The following URB1 variants were observed in gnomAD, a reference collection of about 807,000 sequenced individuals.
The protein encoded by URB1 is nucleolar pre-ribosomal-associated protein 1.
A neutral mutation model predicts 242.3 loss-of-function variants in URB1; 197 were observed. That is an observed-to-expected ratio of 0.81 (90% CI 0.72 to 0.91). The LOEUF (loss-of-function observed/expected upper bound fraction) is 0.91, where lower values mean the gene tolerates loss of function less well. Ranked by LOEUF, URB1 falls within the 40% of genes least tolerant of loss-of-function variation. The pLI is 0.00. For synonymous variants in URB1, 1,153 were observed against 1,201.8 expected (o/e 0.96, Z 0.84); for missense variants, 2,721 against 2,860.5 (o/e 0.95, Z 1.11).
chr21:32,337,333 C>T lies in URB1; in HGVS notation c.4621+71G>A, dbSNP rs910940885. 7.0e-6 allele frequency: 10 copies of T among 1,433,786 alleles called. No individual in the cohort carries two copies. The African/African-American group carries it at 1.4e-4, about 20-fold the overall frequency. The allele number at this position is 1,433,786 out of a possible 1,614,324, so 88.8% of individuals were successfully genotyped here. A position where few individuals can be genotyped will look rare whatever the true frequency, so the allele number is the denominator to read the frequency against. ...GCTCACATCCCTCCAGCTCTCATTC[C>T]CTATCTCTGCTCACACCCCCGGCCC... On this transcript the variant is annotated intron_variant, in intron 27 of 38. Transcript: ENST00000382751.
At position 32,350,892 on chromosome 21, in the gene URB1, G is replaced by A. The variant is rs2123584217; in HGVS notation, c.2644C>T (p.Pro882Ser). ...LLQAQGSPSP[P>S]ALPLASSFTA... ...AAGGACGAGGCCAAGGGAAGGGCAG[G>A]GGGCGAGGGGCTGCCCTGTGCCTGC... Residue 882 changes from proline (P) to serine (S), a missense_variant, in exon 20 of 39, where the codon CCT (proline) becomes TCT (serine). By Grantham distance (74) the Pro-to-Ser change is moderately conservative. Coordinates refer to ENST00000382751, the MANE Select transcript of URB1 (RefSeq NM_014825.3). 1 of 1,549,026 alleles carries A rather than the reference G, an allele frequency of 6.5e-7. No homozygotes were observed. The highest frequency in any genetic ancestry group is 1.2e-5 in the South Asian group (1 of 83,990).
rs2032929116 is a variant in URB1, at chr21:32,334,217, C to T, written c.4803G>A (p.Arg1601=). The T allele has an allele frequency of 6.4e-7, 1 of 1,551,530 alleles. No individual in the cohort carries two copies. The stretch of plus-strand genomic sequence containing the variant: ...GGAAGTGCAGGATGGTCTGCATCAT[C>T]CGGTCCCGGTCCAGCAGGCGAAGGA... ...GDILRLLDRD[R]MMQTILHFPQ... The change falls in exon 29 of 39, where the codon CGG becomes CGA. Residue 1601 remains arginine (R), a synonymous_variant. Coordinates refer to ENST00000382751, the MANE Select transcript of URB1 (RefSeq NM_014825.3).
At chr21:32,383,304 A>G (rs1211749011) in intron 4 of URB1, 118 bp downstream of exon 4, 1 of 1,300,828 alleles carries the variant, frequency 7.7e-7, no homozygotes, top group Non-Finnish European at 1.0e-6. Flanking sequence ...ACCTTTCTAC[A>G]TAGACACCTC....
Position 32,352,840 on chromosome 21 carries a change from A to AG in URB1, c.2482dup (p.Leu828ProfsTer11). 1 of 1,551,696 alleles carries AG rather than the reference A, an allele frequency of 6.4e-7. No individual in the cohort carries two copies. Among genetic ancestry groups the AG allele is most frequent in the South Asian group, 1.2e-5 (1 of 84,064 alleles). The stretch of plus-strand genomic sequence containing the variant: ...TGCCTGGAGCAGGAGACACAGAGCC[A>AG]GGGGGTCCCTCTGGGTGTGGAGGAG... On this transcript the variant is annotated frameshift_variant, in exon 19 of 39. Coordinates refer to ENST00000382751, the MANE Select transcript of URB1 (RefSeq NM_014825.3). LOFTEE classifies it high-confidence loss of function.
chr21:32,346,161 C>A (rs1186172758), intron 22 of URB1, among the ~76,000 whole-genome samples: 4 of 152,116 alleles, frequency 2.6e-5, no homozygotes, highest in Non-Finnish European at 5.9e-5. Context: ...CCCCTCTGGC[C>A]GTGTGATCTC....
rs1260436206 is a variant in URB1, at chr21:32,341,472, C to A, written c.4310G>T (p.Gly1437Val). Residue 1437 changes from glycine to valine, a missense_variant, in exon 25 of 39, where the codon GGA becomes GTA. Transcript: ENST00000382751. ...GAAAATAAAATCAACTTACTTGAGT[C>A]CCTTCTTCACGAATTTCTGCCAGTC... ...PGDWQKFVKKGLKFRYQDHTF... is the reference protein window; with the variant it reads ...PGDWQKFVKKVLKFRYQDHTF... The A allele has an allele frequency of 1.3e-6, 2 of 1,551,556 alleles. No homozygotes were observed. Among genetic ancestry groups the A allele is most frequent in the South Asian group, 1.2e-5 (1 of 84,052 alleles).
chr21:32,345,098 T>C (rs2123575975), intron 23 of URB1, among the ~76,000 whole-genome samples: 1 of 152,226 alleles, frequency 6.6e-6, no homozygotes, highest in South Asian at 2.1e-4. Context: ...ATCCTAGTTG[T>C]GACAATAAAA....
intron 32 of URB1, among the ~76,000 whole-genome samples, chr21:32,323,058 C>CTG (rs1214383662): frequency 6.6e-6 from 1 of 152,208 alleles, no homozygotes; most frequent in Non-Finnish European, 1.5e-5. Flanking sequence ...ACCCTAGCTC[C>CTG]TGCTACCTCC....
At chr21:32,363,386 G>A (rs1490506960) in intron 10 of URB1, 57 bp from the exon 11 acceptor site, 14 of 1,519,524 alleles carry the variant, frequency 9.2e-6, no homozygotes, top group Non-Finnish European at 4.4e-6. Context: ...GATTTGCTAA[G>A]CTATGGGCTT....
chr21:32,322,588 AG>A lies in URB1; in HGVS notation c.5234-5del. ...ACCTTCAGGTACATGTGCTCCTCTG[AG>A]AACACAGGCAGTCAGTCAGTCATGG... On this transcript the variant is annotated splice_polypyrimidine_tract_variant and splice_region_variant and intron_variant, in intron 32 of 38. Coordinates refer to ENST00000382751, the MANE Select transcript of URB1 (RefSeq NM_014825.3). 1 of 1,550,564 alleles carries A rather than the reference AG, an allele frequency of 6.4e-7. No individual in the cohort carries two copies. The highest frequency in any genetic ancestry group is 8.7e-7 in the Non-Finnish European group (1 of 1,146,016).
At chr21:32,378,227 A>G (rs566209527) in intron 5 of URB1, among the ~76,000 whole-genome samples, 1 of 152,206 alleles carries the variant, frequency 6.6e-6, no homozygotes, top group Non-Finnish European at 1.5e-5. Flanking sequence ...TCCAGACGGC[A>G]TAACAGGAAC....
rs969022311 is a variant in URB1, at chr21:32,354,096, G to A, written c.2253C>T (p.Leu751=). Residue 751 remains leucine, a synonymous_variant, in exon 18 of 39, where the codon CTC becomes CTT. Coordinates refer to ENST00000382751, the MANE Select transcript of URB1 (RefSeq NM_014825.3). ...SIPISHIDDV[L]DMVDVLVEGS... is the part of the protein sequence containing the mutation. ...CCTCCACCAGGACATCCACCATGTC[G>A]AGAACATCTGAGACAGAAAGAGGAG... 16 of 1,551,452 alleles carry A rather than the reference G, an allele frequency of 1.0e-5. No homozygotes were observed. The highest frequency in any genetic ancestry group is 6.8e-5 in the African/African-American group (5 of 73,040).
At chr21:32,341,755 A>AT (rs35860541) in intron 24 of URB1, among the ~76,000 whole-genome samples, 9,023 of 151,588 alleles carry the variant, frequency 0.06, 719 homozygotes, top group African/African-American at 0.18. Flanking sequence ...TGCAATGATT[A>AT]TTTTTTTTTA....
At chr21:32,343,463 G>A (rs985189111) in intron 24 of URB1, among the ~76,000 whole-genome samples, 1 of 152,128 alleles carries the variant, frequency 6.6e-6, no homozygotes, top group African/African-American at 2.4e-5. Context: ...GTATACAAAG[G>A]TCTCAAACAG....
intron 30 of URB1, among the ~76,000 whole-genome samples, chr21:32,328,745 T>C (rs1403253997): frequency 6.6e-6 from 1 of 152,214 alleles, no homozygotes; most frequent in Non-Finnish European, 1.5e-5. Context: ...GAAAAGTCAG[T>C]TTCCTGTTTT....
In URB1 at chr21:32,317,682, G is replaced by A. The variant is rs1168047309; in HGVS notation, c.6028C>T (p.Leu2010Phe). The A allele has an allele frequency of 6.4e-7, 1 of 1,551,730 alleles. No homozygotes were observed. The highest frequency in any genetic ancestry group is 2.0e-5 in the Admixed American group (1 of 51,002). Residue 2010 changes from leucine to phenylalanine, a missense_variant, in exon 37 of 39, where the codon CTC (leucine) becomes TTC (phenylalanine). Coordinates refer to ENST00000382751, the MANE Select transcript of URB1 (RefSeq NM_014825.3). ...AAIEKAQARE[L>F]MKMLKDKNKP... ...CCTGGGTTCTGACACTCACTCATGA[G>A]CTCCCGGGCTTGGGCCTTCTCAATG... is the stretch of plus-strand genomic sequence containing the variant.
chr21:32,347,774 G>A lies in URB1; in HGVS notation c.3050C>T (p.Pro1017Leu), dbSNP rs1465391099. The A allele has an allele frequency of 6.5e-7, 1 of 1,547,628 alleles. No homozygotes were observed. Among genetic ancestry groups the A allele is most frequent in the Admixed American group, 2.0e-5 (1 of 50,978 alleles). ...GGCCAGGAACCAGCCCTCCAGGGTG[G>A]GGTGCCTGAGGATGGCCACAAGCAC... ...EEVLVAILRH[P>L]TLEGWFLALE... Residue 1017 changes from proline (P) to leucine (L), a missense_variant, in exon 22 of 39, where the codon CCC becomes CTC. Physicochemically the swap from Pro to Leu is moderately conservative, Grantham distance 98. Coordinates refer to ENST00000382751, the MANE Select transcript of URB1 (RefSeq NM_014825.3).
chr21:32,373,149 C>T (rs965965499), intron 7 of URB1, among the ~76,000 whole-genome samples: 1 of 152,146 alleles, frequency 6.6e-6, no homozygotes, highest in African/African-American at 2.4e-5. Flanking sequence ...TTAAGAGCAG[C>T]TGTTTCAATT....
rs2033276800 is a variant in URB1, at chr21:32,361,021, C to CA, written c.1741_1742insT (p.Ser581MetfsTer10). The CA allele has an allele frequency of 1.3e-6, 2 of 1,549,754 alleles. No individual in the cohort carries two copies. Among genetic ancestry groups the CA allele is most frequent in the Non-Finnish European group, 1.7e-6 (2 of 1,146,496 alleles). ...TTGAAACCCACCTTTCAGGAGCTTG[C>CA]TGAAGTCAAAGTTGTACTGCATGAC... On this transcript the variant is annotated frameshift_variant, in exon 13 of 39. Coordinates refer to ENST00000382751, the MANE Select transcript of URB1 (RefSeq NM_014825.3). LOFTEE classifies it high-confidence loss of function.
Sources: gnomAD v4.1 joint callset for allele counts (sites outside exome capture counted in the v4.1 genomes callset) on GRCh38, gnomAD v4.1.1 for gene constraint, MANE v1.5 for transcripts, NCBI Gene and HGNC (gene_info 2026-07-23, HGNC 2026-07-21) for gene names.